The following PMS1 variants were observed in gnomAD, a reference collection of about 807,000 sequenced individuals.
PMS1 encodes the protein PMS1 homolog 1, mismatch repair system component, also known as PMS1 protein homolog 1.
PMS1 carries 79 observed loss-of-function variants against 93.1 expected under a neutral mutation model. The ratio of observed to expected loss-of-function variants is 0.85; its 90% CI spans 0.71 to 1.02. The LOEUF is 1.02. Ranked by LOEUF, PMS1 falls within the 50% of genes least tolerant of loss-of-function variation. PMS1 has a pLI of 0.00. For synonymous variants in PMS1, 335 were observed against 363.4 expected (o/e 0.92, Z 0.89); for missense variants, 1,064 against 1,085.3 (o/e 0.98, Z 0.28).
intron 1 of PMS1, among the ~76,000 whole-genome samples, chr2:189,786,321 A>G (rs2048344630): frequency 6.6e-6 from 1 of 152,162 alleles, no homozygotes. Flanking sequence ...AAAGAACCCT[A>G]TAGGTGGTTG....
At chr2:189,841,539 A>G (rs1382967231) in intron 5 of PMS1, among the ~76,000 whole-genome samples, 2 of 152,064 alleles carry the variant, frequency 1.3e-5, no homozygotes. Flanking sequence ...CTTCATTTCT[A>G]TTCCTGATGT....
At chr2:189,831,962 C>A (rs5743071) in intron 5 of PMS1, among the ~76,000 whole-genome samples, 7 of 151,878 alleles carry the variant, frequency 4.6e-5, no homozygotes, top group Admixed American at 4.6e-4. Context: ...AACTCCTGAC[C>A]GCAAATGATC....
Position 189,818,599 on chromosome 2 carries a change from C to T in PMS1, c.582+419C>T, listed in dbSNP as rs183587737. Reference sequence around the variant, plus strand: ...TTTTGCTATAGCAGCCCAAAGACAACATGTAAAGAGTCTTTTTTTCAAAAT... The same window carrying T: ...TTTTGCTATAGCAGCCCAAAGACAATATGTAAAGAGTCTTTTTTTCAAAAT... On this transcript the variant is annotated intron_variant, in intron 5 of 12. Transcript: ENST00000441310. Among the ~76,000 whole-genome samples, 31 of 152,292 alleles carry T rather than the reference C, an allele frequency of 2.0e-4. No homozygotes were observed. In the East Asian group the frequency reaches 5.6e-3, roughly 28 times the overall value.
intron 3 of PMS1, 83 bp from the exon 4 acceptor site, chr2:189,805,569 T>C: frequency 9.4e-7 from 1 of 1,062,978 alleles, no homozygotes. Context: ...AAATATATTA[T>C]GCAATAATCA....
intron 4 of PMS1, 50 bp from the exon 5 acceptor site, chr2:189,817,967 T>C (rs756651489): frequency 1.6e-5 from 21 of 1,338,282 alleles, no homozygotes; most frequent in Non-Finnish European, 2.3e-5. Context: ...TTTGAAGATC[T>C]GTGACGTTCC....
At chr2:189,855,203 A>AT in intron 9 of PMS1, 75 bp downstream of exon 9, 2 of 1,265,414 alleles carry the variant, frequency 1.6e-6, no homozygotes, top group Non-Finnish European at 1.1e-6. Flanking sequence ...TTTAAAAAGA[A>AT]TTTTTTTCAC....
intron 6 of PMS1, among the ~76,000 whole-genome samples, chr2:189,850,938 G>A (rs548138285): frequency 1.3e-5 from 2 of 152,184 alleles, no homozygotes; most frequent in Non-Finnish European, 2.9e-5. Context: ...AGCAATTAGG[G>A]AGGAGAGGTA....
At chr2:189,831,963 G>A (rs990141083) in intron 5 of PMS1, among the ~76,000 whole-genome samples, 3 of 151,770 alleles carry the variant, frequency 2.0e-5, no homozygotes, top group Non-Finnish European at 4.4e-5. Flanking sequence ...ACTCCTGACC[G>A]CAAATGATCC....
At chr2:189,855,914 C>CAGGTATCTG (rs2106469184) in intron 9 of PMS1, 1 of 932,600 alleles carries the variant, frequency 1.1e-6, no homozygotes, top group East Asian at 9.2e-5. Flanking sequence ...CAATCATATA[C>CAGGTATCTG]AGGTATCTGA....
chr2:189,789,336 C>A (rs2048638589), intron 1 of PMS1, among the ~76,000 whole-genome samples: 1 of 152,096 alleles, frequency 6.6e-6, no homozygotes, highest in Admixed American at 6.5e-5. Flanking sequence ...TGATTTGCTC[C>A]ATTTTTATAG....
intron 12 of PMS1, 66 bp from the exon 13 acceptor site, chr2:189,877,205 GC>G: frequency 8.0e-7 from 1 of 1,250,130 alleles, no homozygotes; most frequent in Non-Finnish European, 1.2e-6. Flanking sequence ...CTTCCTTTTT[GC>G]CAGGATAACA....
intron 1 of PMS1, among the ~76,000 whole-genome samples, chr2:189,791,389 G>C (rs2048853580): frequency 6.6e-6 from 1 of 152,138 alleles, no homozygotes; most frequent in African/African-American, 2.4e-5. Context: ...GGAGGCCAAG[G>C]CAGGCGGATC....
intron 1 of PMS1, among the ~76,000 whole-genome samples, chr2:189,790,797 AT>A (rs1433664380): frequency 1.3e-5 from 2 of 152,224 alleles, no homozygotes; most frequent in Non-Finnish European, 2.9e-5. Flanking sequence ...AGGAAATTAT[AT>A]TGGGAACTAA....
In PMS1 at chr2:189,854,034, T is replaced by G; in HGVS notation, c.918T>G (p.Val306=). 3 of 1,605,014 alleles carry G rather than the reference T, an allele frequency of 1.9e-6. No homozygotes were observed. The highest frequency in any genetic ancestry group is 2.6e-6 in the Non-Finnish European group (3 of 1,175,206). The part of the protein sequence containing the change: ...FLKIDVPTAD[V]DVNLTPDKSQ... ...AAATCGATGTTCCTACAGCTGATGTTGATGTAAATTTAACACCAGATAAAA... is the reference window on the plus strand; with the variant it reads ...AAATCGATGTTCCTACAGCTGATGTGGATGTAAATTTAACACCAGATAAAA... Residue 306 remains valine (V), a synonymous_variant, in exon 8 of 13, where the codon GTT becomes GTG. Transcript: ENST00000441310.
intron 3 of PMS1, among the ~76,000 whole-genome samples, chr2:189,796,679 G>C (rs1056092178): frequency 2.0e-5 from 3 of 152,142 alleles, no homozygotes; most frequent in African/African-American, 7.2e-5. Flanking sequence ...GTTCATCCAT[G>C]TTGTAACATG....
chr2:189,853,797 A>G, intron 7 of PMS1, 142 bp from the exon 8 acceptor site: 1 of 549,196 alleles, frequency 1.8e-6, no homozygotes, highest in Non-Finnish European at 3.1e-6. Context: ...GATCCCAGGC[A>G]TGAGCCACTG....
At chr2:189,860,664 GT>G (rs2055866336) in intron 9 of PMS1, among the ~76,000 whole-genome samples, 1 of 151,962 alleles carries the variant, frequency 6.6e-6, no homozygotes, top group African/African-American at 2.4e-5. Context: ...CCCAGTATAT[GT>G]TCTGTCTTGA....
chr2:189,814,189 G>T (rs1284155724), intron 4 of PMS1, among the ~76,000 whole-genome samples: 1 of 152,064 alleles, frequency 6.6e-6, no homozygotes, highest in Non-Finnish European at 1.5e-5. Flanking sequence ...AGTGTTACTA[G>T]TGAGAACTAT....
intron 1 of PMS1, among the ~76,000 whole-genome samples, chr2:189,789,983 T>C (rs1320642547): frequency 6.6e-6 from 1 of 152,186 alleles, no homozygotes; most frequent in Non-Finnish European, 1.5e-5. Context: ...TTTCGTTTGT[T>C]TGAACAAAGG....
Sources: gnomAD v4.1 joint callset for allele counts (sites outside exome capture counted in the v4.1 genomes callset) on GRCh38, gnomAD v4.1.1 for gene constraint, MANE v1.5 for transcripts, NCBI Gene and HGNC (gene_info 2026-07-23, HGNC 2026-07-21) for gene names.